Variants in SEMA6D observed in about 807,000 individuals in gnomAD.
SEMA6D encodes the protein semaphorin-6D.
A neutral mutation model predicts 106.6 loss-of-function variants in SEMA6D; 35 were observed. That is an observed-to-expected ratio of 0.33 (90% confidence interval 0.25 to 0.44). The LOEUF is 0.44. SEMA6D is among the 20% of genes least tolerant of loss of function. The pLI, the probability that SEMA6D is intolerant of heterozygous loss-of-function variation, is 1.00. For missense variants in SEMA6D, 1,185 were observed against 1,345.9 expected (o/e 0.88, Z 1.87); for synonymous variants, 499 against 487.7 (o/e 1.02, Z -0.31).
chr15:47,749,526 C>G (rs2081318944), intron 1 of SEMA6D, among the ~76,000 whole-genome samples: 1 of 152,112 alleles, frequency 6.6e-6, no homozygotes, highest in Non-Finnish European at 1.5e-5. Context: ...AAGTAACATG[C>G]CCAAAGTCAC....
chr15:47,343,272 A>ATTATTATTATTATTATTG (rs1016166275), intron 1 of SEMA6D, among the ~76,000 whole-genome samples: 166 of 150,466 alleles, frequency 1.1e-3, no homozygotes, highest in African/African-American at 4.0e-3. Flanking sequence ...TATTATTATT[A>ATTATTATTATTATTATTG]TACTTTAAGT....
chr15:47,692,829 A>G (rs2078618650), intron 4 of SEMA6D, among the ~76,000 whole-genome samples: 1 of 152,174 alleles, frequency 6.6e-6, no homozygotes, highest in African/African-American at 2.4e-5. Flanking sequence ...AAAGCATCAT[A>G]TGAAAAGTTC....
chr15:47,375,305 T>G (rs2039411035), intron 1 of SEMA6D, among the ~76,000 whole-genome samples: 1 of 152,152 alleles, frequency 6.6e-6, no homozygotes, highest in South Asian at 2.1e-4. Flanking sequence ...GGAAGAAAGT[T>G]TTTCAGCTGC....
chr15:47,454,584 C>T (rs2042288239), intron 2 of SEMA6D, among the ~76,000 whole-genome samples: 1 of 128,090 alleles, frequency 7.8e-6, no homozygotes, highest in African/African-American at 3.2e-5. Flanking sequence ...GAGAGTTTAC[C>T]ATCCTTGCAC....
At chr15:47,310,613 A>C (rs528530543) in intron 1 of SEMA6D, among the ~76,000 whole-genome samples, 1 of 152,158 alleles carries the variant, frequency 6.6e-6, no homozygotes, top group South Asian at 2.1e-4. Context: ...AGTACCTTTT[A>C]TATAGTGATA....
At chr15:47,441,519 G>A (rs1029897856) in intron 2 of SEMA6D, among the ~76,000 whole-genome samples, 1 of 152,036 alleles carries the variant, frequency 6.6e-6, no homozygotes, top group South Asian at 2.1e-4. Context: ...ATAGCTTGAT[G>A]TACCATTTGT....
At chr15:47,527,464 CCTTTCAAAGATTTT>C (rs149718704) in intron 3 of SEMA6D, among the ~76,000 whole-genome samples, 2,118 of 152,190 alleles carry the variant, frequency 0.014, 50 homozygotes, top group African/African-American at 0.049. Flanking sequence ...AGAAAACCAG[CCTTTCAAAGATTTT>C]CTGTGAAATT....
intron 2 of SEMA6D, among the ~76,000 whole-genome samples, chr15:47,424,534 G>C (rs911837011): frequency 1.3e-5 from 2 of 152,108 alleles, no homozygotes; most frequent in African/African-American, 4.8e-5. Flanking sequence ...ATAAATATCT[G>C]AGACATTGTC....
chr15:47,730,354 C>T (rs1431522779), intron 1 of SEMA6D: 2 of 1,450,016 alleles, frequency 1.4e-6, no homozygotes, highest in Non-Finnish European at 1.9e-6. Context: ...TGCAGGTCTT[C>T]CTGTGGACTA....
chr15:47,498,204 T>C (rs1168518940), intron 3 of SEMA6D, among the ~76,000 whole-genome samples: 1 of 152,110 alleles, frequency 6.6e-6, no homozygotes, highest in Non-Finnish European at 1.5e-5. Flanking sequence ...ATAAAATGAG[T>C]GACCTGATTA....
At chr15:47,575,145 T>C (rs777060509) in intron 3 of SEMA6D, among the ~76,000 whole-genome samples, 2 of 152,238 alleles carry the variant, frequency 1.3e-5, no homozygotes, top group African/African-American at 2.4e-5. Flanking sequence ...ATTTCACTCA[T>C]TGAAACAAAT....
intron 1 of SEMA6D, among the ~76,000 whole-genome samples, chr15:47,217,878 C>T (rs1174545255): frequency 7.0e-6 from 1 of 143,742 alleles, no homozygotes; most frequent in Non-Finnish European, 1.5e-5. Context: ...CACACATACA[C>T]ACACACACAC....
At chr15:47,625,731 AAAG>A (rs778335722) in intron 4 of SEMA6D, among the ~76,000 whole-genome samples, 22 of 151,806 alleles carry the variant, frequency 1.4e-4, no homozygotes, top group Non-Finnish European at 2.4e-4. Context: ...AATTTTGAAA[AAAG>A]AAAATATGCA....
At chr15:47,345,210 G>T (rs2144625645) in intron 1 of SEMA6D, among the ~76,000 whole-genome samples, 1 of 152,104 alleles carries the variant, frequency 6.6e-6, no homozygotes, top group South Asian at 2.1e-4. Context: ...TGTAGAAATT[G>T]ACAAACTGAT....
intron 4 of SEMA6D, among the ~76,000 whole-genome samples, chr15:47,708,732 A>C (rs2078960813): frequency 6.6e-6 from 1 of 152,214 alleles, no homozygotes; most frequent in South Asian, 2.1e-4. Context: ...ATGTTAATAA[A>C]GTTACATGGT....
intron 4 of SEMA6D, among the ~76,000 whole-genome samples, chr15:47,667,636 G>T (rs753260205): frequency 3.9e-5 from 6 of 152,194 alleles, no homozygotes; most frequent in Non-Finnish European, 8.8e-5. Flanking sequence ...AAGACTTGAT[G>T]TCCGGTGAGA....
chr15:47,668,418 A>G (rs1056749686), intron 4 of SEMA6D, among the ~76,000 whole-genome samples: 1 of 152,116 alleles, frequency 6.6e-6, no homozygotes, highest in Non-Finnish European at 1.5e-5. Flanking sequence ...CACTATTCCA[A>G]CATCTTGGGT....
At chr15:47,369,234 G>A (rs281281) in intron 1 of SEMA6D, among the ~76,000 whole-genome samples, 98,945 of 152,010 alleles carry the variant, frequency 0.65, 32,910 homozygotes, top group Non-Finnish European at 0.72. Context: ...AGATGTGCCT[G>A]TGATTTCTGC....
chr15:47,275,654 C>G (rs28618329), intron 1 of SEMA6D, among the ~76,000 whole-genome samples: 1 of 151,872 alleles, frequency 6.6e-6, no homozygotes, highest in Non-Finnish European at 1.5e-5. Flanking sequence ...CACCAACCTG[C>G]TATTCTCCCT....
Sources: allele counts gnomAD v4.1 joint callset (sites outside exome capture counted in the v4.1 genomes callset), GRCh38; gene constraint gnomAD v4.1.1; transcripts MANE v1.5; gene names NCBI Gene and HGNC (gene_info 2026-07-23, HGNC 2026-07-21).